Variants in SGCZ observed in about 807,000 individuals in gnomAD.
The protein encoded by SGCZ is zeta-sarcoglycan.
SGCZ carries 40 observed loss-of-function variants against 41.3 expected under a neutral mutation model. That is an observed-to-expected ratio of 0.97 (90% CI 0.75 to 1.26). The LOEUF is 1.26. Ranked by LOEUF, SGCZ falls within the 50% of genes most tolerant of loss-of-function variation. The pLI is 0.00. For missense variants in SGCZ, 552 were observed against 369.8 expected (o/e 1.49, Z -4.04); for synonymous variants, 206 against 137.5 (o/e 1.50, Z -3.49).
At chr8:14,287,138 AT>A (rs11442540) in intron 3 of SGCZ, among the ~76,000 whole-genome samples, 2 of 151,434 alleles carry the variant, frequency 1.3e-5, no homozygotes, top group South Asian at 4.2e-4. Flanking sequence ...CACATACAGT[AT>A]TTTTTAAAGC....
chr8:14,439,015 G>A (rs1044733270), intron 2 of SGCZ, among the ~76,000 whole-genome samples: 5 of 151,830 alleles, frequency 3.3e-5, no homozygotes, highest in Admixed American at 6.6e-5. Flanking sequence ...GATCTTTCAC[G>A]AAGCTTCCTC....
chr8:14,394,431 G>A (rs1405292496), intron 2 of SGCZ, among the ~76,000 whole-genome samples: 3 of 152,082 alleles, frequency 2.0e-5, no homozygotes, highest in African/African-American at 7.2e-5. Flanking sequence ...TTACAGGCAT[G>A]AGCCACCGTG....
intron 2 of SGCZ, among the ~76,000 whole-genome samples, chr8:14,507,616 C>T (rs1279265348): frequency 6.6e-6 from 1 of 152,076 alleles, no homozygotes; most frequent in African/African-American, 2.4e-5. Flanking sequence ...ATTTTTATAC[C>T]TGGAACTTGG....
rs536179157 is a variant in SGCZ, at chr8:15,041,539, C to T, written c.39+196046G>A. 3.9e-5 allele frequency among the ~76,000 whole-genome samples: 6 copies of T among 151,982 alleles called. No individual in the cohort carries two copies. The East Asian group carries it at 9.7e-4, about 24-fold the overall frequency. ...CAATTTCTTTATATGGCTACATACA[C>T]CTAGAAAGCGGGTTAATCAAACAAT... On this transcript the variant is annotated intron_variant, in intron 1 of 7. Transcript: ENST00000382080.
chr8:14,379,173 A>G (rs1307766504), intron 2 of SGCZ, among the ~76,000 whole-genome samples: 1 of 152,204 alleles, frequency 6.6e-6, no homozygotes, highest in Non-Finnish European at 1.5e-5. Context: ...CAAAAGAAAT[A>G]TTAACCAATT....
At chr8:14,294,064 T>C (rs1169317442) in intron 3 of SGCZ, among the ~76,000 whole-genome samples, 1 of 151,862 alleles carries the variant, frequency 6.6e-6, no homozygotes, top group Non-Finnish European at 1.5e-5. Context: ...ATTGACATTT[T>C]TCTGTAGCCA....
chr8:14,654,749 T>G (rs912828345), intron 1 of SGCZ, among the ~76,000 whole-genome samples: 3 of 152,048 alleles, frequency 2.0e-5, no homozygotes, highest in African/African-American at 7.3e-5. Flanking sequence ...TTTTTTTTTT[T>G]TTTGTATTTT....
At chr8:15,153,782 G>C (rs980142406) in intron 1 of SGCZ, among the ~76,000 whole-genome samples, 1 of 152,070 alleles carries the variant, frequency 6.6e-6, no homozygotes, top group Admixed American at 6.6e-5. Flanking sequence ...CATGCTTCCT[G>C]TATAGCCTGC....
intron 6 of SGCZ, among the ~76,000 whole-genome samples, chr8:14,106,267 A>G (rs1802199686): frequency 6.6e-6 from 1 of 152,250 alleles, no homozygotes; most frequent in South Asian, 2.1e-4. Flanking sequence ...GAAGAAAGAT[A>G]CAATAAATAT....
At chr8:14,121,796 T>A (rs1173941600) in intron 5 of SGCZ, among the ~76,000 whole-genome samples, 1 of 152,234 alleles carries the variant, frequency 6.6e-6, no homozygotes, top group African/African-American at 2.4e-5. Flanking sequence ...ATAACTCATT[T>A]AATTTTTTTG....
chr8:14,508,695 T>C (rs867307556), intron 2 of SGCZ, among the ~76,000 whole-genome samples: 6 of 152,306 alleles, frequency 3.9e-5, no homozygotes, highest in African/African-American at 1.2e-4. Flanking sequence ...GTCTAGCTAA[T>C]ATGGGTTACA....
intron 4 of SGCZ, among the ~76,000 whole-genome samples, chr8:14,206,344 T>A (rs1382782060): frequency 2.0e-5 from 3 of 152,158 alleles, no homozygotes; most frequent in African/African-American, 7.2e-5. Context: ...ATCCAGTCAA[T>A]TATTTGGTAC....
chr8:14,489,585 C>T (rs942440458), intron 2 of SGCZ, among the ~76,000 whole-genome samples: 1 of 151,170 alleles, frequency 6.6e-6, no homozygotes, highest in African/African-American at 2.4e-5. Flanking sequence ...TTTAAACGCC[C>T]AAAACAGAGG....
At chr8:15,056,737 C>G (rs910440465) in intron 1 of SGCZ, among the ~76,000 whole-genome samples, 1 of 152,124 alleles carries the variant, frequency 6.6e-6, no homozygotes, top group African/African-American at 2.4e-5. Flanking sequence ...GCTAAGACGT[C>G]AATATTCATA....
chr8:14,528,827 C>CAAAAAACAAAA (rs1803032348), intron 2 of SGCZ, among the ~76,000 whole-genome samples: 3 of 52,672 alleles, frequency 5.7e-5, no homozygotes, highest in African/African-American at 2.1e-4. Flanking sequence ...ACGGACCAGC[C>CAAAAAACAAAA]AAAAAAAAAA....
chr8:14,644,850 C>T (rs1422244441), intron 1 of SGCZ, among the ~76,000 whole-genome samples: 1 of 151,390 alleles, frequency 6.6e-6, no homozygotes, highest in East Asian at 1.9e-4. Context: ...GGAAATTAGT[C>T]AAACATTTTG....
intron 1 of SGCZ, among the ~76,000 whole-genome samples, chr8:15,050,743 G>A (rs1804482423): frequency 6.6e-6 from 1 of 152,096 alleles, no homozygotes; most frequent in African/African-American, 2.4e-5. Flanking sequence ...GGGGAATTGG[G>A]GGAGAAAGCA....
intron 1 of SGCZ, among the ~76,000 whole-genome samples, chr8:14,641,029 A>G (rs577675348): frequency 6.6e-6 from 1 of 151,804 alleles, no homozygotes; most frequent in Admixed American, 6.6e-5. Context: ...GAATTCCATT[A>G]GAAAATTATA....
intron 1 of SGCZ, among the ~76,000 whole-genome samples, chr8:14,774,582 T>C (rs1800343758): frequency 6.6e-6 from 1 of 152,170 alleles, no homozygotes; most frequent in Non-Finnish European, 1.5e-5. Flanking sequence ...AGAACAAAGC[T>C]TTAAAAACAA....
Sources: allele counts gnomAD v4.1 joint callset (sites outside exome capture counted in the v4.1 genomes callset), GRCh38; gene constraint gnomAD v4.1.1; transcripts MANE v1.5; gene names NCBI Gene and HGNC (gene_info 2026-07-23, HGNC 2026-07-21).